LIN52: variants seen among roughly 807,000 people sequenced by gnomAD.
LIN52 encodes lin-52 DREAM MuvB core complex component.
LIN52 carries 4 observed loss-of-function variants against 18.5 expected under a neutral mutation model. The observed-to-expected ratio is 0.22, with a 90% CI of 0.11 to 0.49. LIN52 has a LOEUF of 0.49. Among genes scored for constraint, LIN52 ranks in the 20% least tolerant of loss-of-function variants. The pLI is 0.97. For synonymous variants in LIN52, 34 were observed against 45.5 expected (o/e 0.75, Z 1.02); for missense variants, 102 against 139.5 (o/e 0.73, Z 1.35).
intron 5 of LIN52, among the ~76,000 whole-genome samples, chr14:74,123,338 T>C (rs909285258): frequency 1.3e-5 from 2 of 152,166 alleles, no homozygotes; most frequent in African/African-American, 2.4e-5. Context: ...ATGGAAAGTT[T>C]TAGTGACTGA....
Position 74,173,701 on chromosome 14 carries a change from G to A in LIN52, c.284-25221G>A, listed in dbSNP as rs565968749. On this transcript the variant is annotated intron_variant, in intron 5 of 5. Coordinates refer to ENST00000555028, the MANE Select transcript of LIN52 (RefSeq NM_001024674.3). ...TATTCATAGTATGTAAATAACCTAA[G>A]TACTGTACTTTTAAGTCAAAATATA... Among the ~76,000 whole-genome samples the A allele has an allele frequency of 3.9e-5, 6 of 152,226 alleles. No individual in the cohort carries two copies. In the South Asian group the frequency reaches 1.2e-3, roughly 32 times the overall value.
intron 5 of LIN52, among the ~76,000 whole-genome samples, chr14:74,130,297 G>GTTTTTTT (rs2061057637): frequency 5.7e-5 from 1 of 17,680 alleles, no homozygotes; most frequent in South Asian, 1.2e-3. Flanking sequence ...TTTTTTTTTT[G>GTTTTTTT]AGACAGTCTC....
At chr14:74,128,922 A>G (rs1483287576) in intron 5 of LIN52, among the ~76,000 whole-genome samples, 1 of 152,210 alleles carries the variant, frequency 6.6e-6, no homozygotes, top group Admixed American at 6.5e-5. Context: ...AGCCTGGGCA[A>G]CAGAGCAAGA....
At position 74,199,100 on chromosome 14, in the gene LIN52, C is replaced by A; in HGVS notation, c.*123C>A. Reference sequence around the variant, plus strand: ...CAGAGGGTGTACCTCCAGGACTGCCCTCTCCCCTGCTCCTGGCACTCTACA... The same window carrying A: ...CAGAGGGTGTACCTCCAGGACTGCCATCTCCCCTGCTCCTGGCACTCTACA... On this transcript the variant is annotated 3_prime_UTR_variant, in exon 6 of 6. Transcript: ENST00000555028. 1 of 664,656 alleles carries A rather than the reference C, an allele frequency of 1.5e-6. No individual in the cohort carries two copies. The highest frequency in any genetic ancestry group is 2.7e-6 in the Non-Finnish European group (1 of 374,852). 41.2% of individuals were successfully genotyped at this position (664,656 alleles called of 1,614,324 possible). A position where few individuals can be genotyped will look rare whatever the true frequency, so the allele number is the denominator to read the frequency against.
At chr14:74,148,255 T>C (rs916452232) in intron 5 of LIN52, among the ~76,000 whole-genome samples, 3 of 152,190 alleles carry the variant, frequency 2.0e-5, no homozygotes, top group Admixed American at 2.0e-4. Flanking sequence ...TCCTCAGTAC[T>C]TATGTTAACA....
In LIN52 at chr14:74,140,853, C is replaced by T. The variant is rs1029313923; in HGVS notation, c.283+39615C>T. On this transcript the variant is annotated intron_variant, in intron 5 of 5. Transcript: ENST00000555028. Reference sequence around the variant, plus strand: ...TCCTGAGATCTTTATGGCCCTGGAGCTGGTTGGCACTTGTGGATTGCCTTG... The same window carrying T: ...TCCTGAGATCTTTATGGCCCTGGAGTTGGTTGGCACTTGTGGATTGCCTTG... 2.3e-4 allele frequency among the ~76,000 whole-genome samples: 35 copies of T among 152,112 alleles called. 1 individual carries two copies. Among genetic ancestry groups the T allele is most frequent in the African/African-American group, 8.2e-4 (34 of 41,404 alleles).
rs552156166 is a variant in LIN52, at chr14:74,152,597, T to C, written c.284-46325T>C. Reference sequence around the variant, plus strand: ...CCAAGCCATCTGACTCCATAGCCTTTGCTTTTAGTTTATTATGCTATGCCT... The same window carrying C: ...CCAAGCCATCTGACTCCATAGCCTTCGCTTTTAGTTTATTATGCTATGCCT... On this transcript the variant is annotated intron_variant, in intron 5 of 5. Transcript: ENST00000555028. Among the ~76,000 whole-genome samples the C allele has an allele frequency of 2.0e-5, 3 of 152,134 alleles. No individual in the cohort carries two copies. In the South Asian group the frequency reaches 6.2e-4, roughly 32 times the overall value.
intron 5 of LIN52, among the ~76,000 whole-genome samples, chr14:74,154,007 C>T (rs187220494): frequency 9.2e-5 from 14 of 152,220 alleles, no homozygotes; most frequent in Non-Finnish European, 1.0e-4. Context: ...AAGGAGCGTT[C>T]CCATATAACC....
chr14:74,196,146 C>T (rs1325387307), intron 5 of LIN52, among the ~76,000 whole-genome samples: 1 of 152,054 alleles, frequency 6.6e-6, no homozygotes, highest in African/African-American at 2.4e-5. Flanking sequence ...TTTCCTGCAG[C>T]TCTGTGTACT....
At chr14:74,089,534 A>AT (rs1478258753) in intron 1 of LIN52, among the ~76,000 whole-genome samples, 8 of 151,710 alleles carry the variant, frequency 5.3e-5, no homozygotes, top group Admixed American at 3.3e-4. Flanking sequence ...CACCTGGCTA[A>AT]TTTTTTTGCT....
At chr14:74,176,466 AG>A (rs1382099510) in intron 5 of LIN52, among the ~76,000 whole-genome samples, 1 of 152,164 alleles carries the variant, frequency 6.6e-6, no homozygotes, top group Non-Finnish European at 1.5e-5. Context: ...AATGACAAAA[AG>A]TATAATAAAT....
At position 74,173,850 on chromosome 14, in the gene LIN52, AT is replaced by A. The variant is rs1008960450; in HGVS notation, c.284-25066del. Among the ~76,000 whole-genome samples the A allele has an allele frequency of 9.0e-4, 137 of 152,252 alleles. 1 individual carries two copies. Among genetic ancestry groups the A allele is most frequent in the African/African-American group, 3.1e-3 (130 of 41,556 alleles). ...ATGGCAGTAATGTCCCAATGCTCAA[AT>A]TTTTTATCCAGACCATTGATTAATT... On this transcript the variant is annotated intron_variant, in intron 5 of 5. Coordinates refer to ENST00000555028, the MANE Select transcript of LIN52 (RefSeq NM_001024674.3).
At chr14:74,149,635 C>G (rs1300383943) in intron 5 of LIN52, among the ~76,000 whole-genome samples, 1 of 152,118 alleles carries the variant, frequency 6.6e-6, no homozygotes, top group African/African-American at 2.4e-5. Context: ...AAAACACATT[C>G]CATGCAATCA....
intron 5 of LIN52, among the ~76,000 whole-genome samples, chr14:74,130,278 G>GTTTGTTTGTTTTTTTTTTTTTTTTT (rs1555382571): frequency 4.6e-5 from 3 of 64,842 alleles, no homozygotes; most frequent in African/African-American, 1.9e-4. Context: ...GCATTTTTTG[G>GTTTGTTTGTTTTTTTTTTTTTTTTT]TTTTTTTTTT....
At chr14:74,182,559 G>T (rs893715747) in intron 5 of LIN52, among the ~76,000 whole-genome samples, 2 of 151,998 alleles carry the variant, frequency 1.3e-5, no homozygotes, top group Non-Finnish European at 2.9e-5. Flanking sequence ...AAGAATGATC[G>T]CAGTAAAATT....
chr14:74,090,139 C>T (rs2060763813), intron 1 of LIN52, among the ~76,000 whole-genome samples: 1 of 151,484 alleles, frequency 6.6e-6, no homozygotes, highest in South Asian at 2.1e-4. Flanking sequence ...CTGCCTCATC[C>T]TCCCCAGTAA....
rs779505361 is a variant in LIN52, at chr14:74,098,549, G to GT, written c.199+689_199+690insT. 4.6e-4 allele frequency among the ~76,000 whole-genome samples: 66 copies of GT among 142,046 alleles called. 1 individual carries two copies. The East Asian group carries it at 0.011, about 24-fold the overall frequency. The allele number at this position is 142,046 out of a possible 152,430, so 93.2% of individuals were successfully genotyped here. The stretch of plus-strand genomic sequence containing the variant: ...AAAAAAGTTAAAAAATTTTAACTCT[G>GT]GTTTTTTTTTTTTTTCAGACGGAGT... On this transcript the variant is annotated intron_variant, in intron 4 of 5. Transcript: ENST00000555028.
At position 74,200,820 on chromosome 14, in the gene LIN52, T is replaced by TGC. The variant is rs57561832; in HGVS notation, c.*1852_*1853dup. ...CGGTTGAAGAGTGTGTGTGTGTGTG[T>TGC]GCGCGCGCGCATGTGGCCAAAAAAT... On this transcript the variant is annotated 3_prime_UTR_variant, in exon 6 of 6. Transcript: ENST00000555028. 0.62 allele frequency: 94,372 copies of TGC among 151,452 alleles called. 30,051 individuals are homozygous for TGC. Among genetic ancestry groups the TGC allele is most frequent in the South Asian group, 0.7 (3,325 of 4,772 alleles). 9.4% of individuals were successfully genotyped at this position (151,452 alleles called of 1,614,324 possible).
Position 74,101,545 on chromosome 14 carries a change from G to A in LIN52, c.283+307G>A, listed in dbSNP as rs1379210743. ...GGGATCTCGGCTCACTGCAAGCTCC[G>A]CCTCCCGGGTTCACGCCATTCTCCT... On this transcript the variant is annotated intron_variant, in intron 5 of 5. Transcript: ENST00000555028. Among the ~76,000 whole-genome samples, 13 of 148,568 alleles carry A rather than the reference G, an allele frequency of 8.8e-5. No homozygotes were observed. In the East Asian group the frequency reaches 2.6e-3, roughly 29 times the overall value.
Sources: allele counts gnomAD v4.1 joint callset (sites outside exome capture counted in the v4.1 genomes callset), GRCh38; gene constraint gnomAD v4.1.1; transcripts MANE v1.5; gene names NCBI Gene and HGNC (gene_info 2026-07-23, HGNC 2026-07-21).